The following BMS1 variants were observed in gnomAD, a reference collection of about 807,000 sequenced individuals.
The protein encoded by BMS1 is ribosome biogenesis protein BMS1 homolog.
In BMS1, 53 loss-of-function variants were observed where a neutral mutation model predicts 138.7. The observed-to-expected ratio is 0.38, with a 90% CI of 0.31 to 0.48. The LOEUF is 0.48. Ranked by LOEUF, BMS1 falls within the 20% of genes least tolerant of loss-of-function variation. BMS1 has a pLI of 0.97. For synonymous variants in BMS1, 504 were observed against 539.9 expected (o/e 0.93, Z 0.92); for missense variants, 1,360 against 1,565.5 (o/e 0.87, Z 2.22).
intron 12 of BMS1, 137 bp downstream of exon 12, chr10:42,798,762 T>C: frequency 8.2e-7 from 1 of 1,219,716 alleles, no homozygotes; most frequent in Non-Finnish European, 1.1e-6. Context: ...CCAGATATTG[T>C]AGTGGGCGCT....
rs1044446 is a variant in BMS1, at chr10:42,820,672, C to T, written c.2934C>T (p.Cys978=). Residue 978 remains cysteine (C), a synonymous_variant, in exon 17 of 23, where the codon TGC becomes TGT. Coordinates refer to ENST00000374518, the MANE Select transcript of BMS1 (RefSeq NM_014753.4). The part of the protein sequence containing the change: ...LLKYTPQHMH[C]GAAFWGPITP... ...AGTATACCCCACAGCACATGCATTG[C>T]GGAGCAGCCTTTTGGGGTAAAATAT... 14 of 1,611,724 alleles carry T rather than the reference C, an allele frequency of 8.7e-6. No individual in the cohort carries two copies. The highest frequency in any genetic ancestry group is 1.7e-5 in the Admixed American group (1 of 59,986).
chr10:42,792,431 A>G (rs1841533025), intron 6 of BMS1, 62 bp from the exon 7 acceptor site: 3 of 1,587,052 alleles, frequency 1.9e-6, no homozygotes, highest in Admixed American at 1.8e-5. Flanking sequence ...TCATTGACAC[A>G]TGAAAGGAGG....
intron 21 of BMS1, among the ~76,000 whole-genome samples, chr10:42,825,914 G>A (rs898308887): frequency 3.3e-4 from 50 of 152,244 alleles, no homozygotes; most frequent in African/African-American, 1.2e-3. Flanking sequence ...TTTCATAAAT[G>A]GGCTTTATTA....
In BMS1 at chr10:42,793,013, C is replaced by A. The variant is rs1377513103; in HGVS notation, c.958C>A (p.Pro320Thr). 1 of 1,613,932 alleles carries A rather than the reference C, an allele frequency of 6.2e-7. No individual in the cohort carries two copies. Among genetic ancestry groups the A allele is most frequent in the African/African-American group, 1.3e-5 (1 of 74,896 alleles). ...TTTCCTCCCAGACCCTTGCGCTCTT[C>A]CTGAACAACAAAAGAAGCGCTGTTT... is the stretch of plus-strand genomic sequence containing the variant. ...ISFLPDPCAL[P>T]EQQKKRCLNE... The change falls in exon 8 of 23, where the codon CCT becomes ACT. Residue 320 changes from proline (P) to threonine (T), a missense_variant. Around this residue, in one of 3 missense-constraint regions of BMS1, gnomAD observed 697 missense variants for 686.2 expected, o/e 1.02. Transcript: ENST00000374518.
At chr10:42,792,825 T>A in intron 7 of BMS1, 132 bp from the exon 8 acceptor site, 14 of 1,285,516 alleles carry the variant, frequency 1.1e-5, no homozygotes, top group Non-Finnish European at 1.4e-5. Flanking sequence ...ACTGTTCCAG[T>A]GTGGCACAAT....
chr10:42,792,901 G>T, intron 7 of BMS1, 56 bp from the exon 8 acceptor site: 1 of 1,554,352 alleles, frequency 6.4e-7, no homozygotes. Context: ...CTAGTCAATG[G>T]TAGATGCTTC....
intron 4 of BMS1, among the ~76,000 whole-genome samples, chr10:42,787,483 C>T (rs1357919474): frequency 6.6e-6 from 1 of 152,142 alleles, no homozygotes; most frequent in Non-Finnish European, 1.5e-5. Flanking sequence ...AAGCAAATCA[C>T]AGGATGGAGA....
At chr10:42,825,964 G>A (rs773478529) in intron 21 of BMS1, among the ~76,000 whole-genome samples, 3 of 152,180 alleles carry the variant, frequency 2.0e-5, no homozygotes, top group Non-Finnish European at 2.9e-5. Flanking sequence ...CTGTTAAGAG[G>A]TTTTATCAAG....
In BMS1 at chr10:42,802,041, ATAT is replaced by A. The variant is rs1333286192; in HGVS notation, c.2248-94_2248-92del. 2.2e-5 allele frequency: 19 copies of A among 875,702 alleles called. No individual in the cohort carries two copies. In the East Asian group the frequency reaches 4.9e-4, roughly 22 times the overall value. The allele number at this position is 875,702 out of a possible 1,614,324, so 54.2% of individuals were successfully genotyped here. The stretch of plus-strand genomic sequence containing the variant: ...ATGAGAATATCCATGAAAGTGGGAA[ATAT>A]TTAAAGGCAAGTTGTCACCTACTGC... On this transcript the variant is annotated intron_variant, in intron 12 of 22. Transcript: ENST00000374518.
chr10:42,815,986 T>C (rs897466927), intron 13 of BMS1, among the ~76,000 whole-genome samples: 3 of 152,198 alleles, frequency 2.0e-5, no homozygotes, highest in African/African-American at 7.2e-5. Context: ...GGGACACACA[T>C]AGACCTCTGT....
rs113496350 is a variant in BMS1 at position 42,813,768 on chromosome 10, C to T, written c.2330-2831C>T. The stretch of plus-strand genomic sequence containing the variant: ...TTTTTGTATTGTGGAAATGACAGAA[C>T]ATATTTCTGTAGCCACTTTTTAGCA... On this transcript the variant is annotated intron_variant, in intron 13 of 22. Coordinates refer to ENST00000374518, the MANE Select transcript of BMS1 (RefSeq NM_014753.4). Among the ~76,000 whole-genome samples the T allele has an allele frequency of 5.8e-3, 882 of 152,194 alleles. 12 individuals are homozygous for T. The highest frequency in any genetic ancestry group is 0.02 in the African/African-American group (813 of 41,530).
At chr10:42,821,996 A>T (rs1842516078) in intron 18 of BMS1, 66 bp from the exon 19 acceptor site, 7 of 1,445,200 alleles carry the variant, frequency 4.8e-6, no homozygotes, top group Admixed American at 1.7e-5. Context: ...TTATTGTGTC[A>T]CATAGAATTG....
chr10:42,797,420 A>G lies in BMS1; in HGVS notation c.1988-2A>G. Reference sequence around the variant, plus strand: ...ACTGGAGGTTGGCATTGGTCGTTTCAGGTGCCCTCAAGTGGAAGGAAGACC... The same window carrying G: ...ACTGGAGGTTGGCATTGGTCGTTTCGGGTGCCCTCAAGTGGAAGGAAGACC... On this transcript the variant is annotated splice_acceptor_variant, in intron 10 of 22. Coordinates refer to ENST00000374518, the MANE Select transcript of BMS1 (RefSeq NM_014753.4). LOFTEE classifies it high-confidence loss of function. The G allele has an allele frequency of 6.2e-7, 1 of 1,614,184 alleles. No homozygotes were observed. Among genetic ancestry groups the G allele is most frequent in the Non-Finnish European group, 8.5e-7 (1 of 1,179,998 alleles).
chr10:42,793,229 G>A, intron 8 of BMS1, 85 bp downstream of exon 8: 2 of 1,367,692 alleles, frequency 1.5e-6, no homozygotes, highest in Non-Finnish European at 1.9e-6. Context: ...AATGTACTCA[G>A]CTTTTATTTA....
rs769231961 is a variant in BMS1 at position 42,823,333 on chromosome 10, G to A, written c.3280+68G>A. On this transcript the variant is annotated intron_variant, in intron 20 of 22. Coordinates refer to ENST00000374518, the MANE Select transcript of BMS1 (RefSeq NM_014753.4). The stretch of plus-strand genomic sequence containing the variant: ...ATGCTTGACTTCTAGCCAGTGTGAC[G>A]AGAGGCTGGAGTCAGGTCTCTAGAG... The A allele has an allele frequency of 5.4e-5, 80 of 1,482,818 alleles. No individual in the cohort carries two copies. The Middle Eastern group carries it at 2.0e-3, about 38-fold the overall frequency. 91.9% of individuals were successfully genotyped at this position (1,482,818 alleles called of 1,614,324 possible).
chr10:42,831,271 T>C lies in BMS1; in HGVS notation c.*175T>C. On this transcript the variant is annotated 3_prime_UTR_variant, in exon 23 of 23. Coordinates refer to ENST00000374518, the MANE Select transcript of BMS1 (RefSeq NM_014753.4). ...GCCTGGGCTGCTGGGACTGGGTTCATTCTCATGACTTGGGGCTGTCGAGAT... is the reference window on the plus strand; with the variant it reads ...GCCTGGGCTGCTGGGACTGGGTTCACTCTCATGACTTGGGGCTGTCGAGAT... 3.0e-6 allele frequency: 2 copies of C among 660,948 alleles called. No individual in the cohort carries two copies. Among genetic ancestry groups the C allele is most frequent in the Non-Finnish European group, 5.1e-6 (2 of 388,856 alleles). 40.9% of individuals were successfully genotyped at this position (660,948 alleles called of 1,614,324 possible). A position where few individuals can be genotyped will look rare whatever the true frequency, so the allele number is the denominator to read the frequency against.
In BMS1 at chr10:42,784,873, C is replaced by T. The variant is rs140232209; in HGVS notation, c.176+303C>T. Among the ~76,000 whole-genome samples the T allele has an allele frequency of 1.1e-4, 16 of 152,284 alleles. 1 individual carries two copies. In the East Asian group the frequency reaches 2.1e-3, roughly 20 times the overall value. On this transcript the variant is annotated intron_variant, in intron 2 of 22. Coordinates refer to ENST00000374518, the MANE Select transcript of BMS1 (RefSeq NM_014753.4). ...GCTTTTTCCCCCCAGGTATGTTTTA[C>T]ATAGTTGTAATATAAAATACAAAAA...
Position 42,785,620 on chromosome 10 carries a change from C to T in BMS1, c.315C>T (p.Asn105=), listed in dbSNP as rs762534754. ...KSTLIQCLIR[N]FTRQKLTEIR... is the part of the protein sequence containing the mutation. Reference sequence around the variant, plus strand: ...CTTTGATACAATGCCTCATTCGGAACTTTACCCGGCAGAAGTTGACTGAGA... The same window carrying T: ...CTTTGATACAATGCCTCATTCGGAATTTTACCCGGCAGAAGTTGACTGAGA... The change falls in exon 3 of 23, where the codon AAC becomes AAT. Residue 105 remains asparagine, a synonymous_variant. Coordinates refer to ENST00000374518, the MANE Select transcript of BMS1 (RefSeq NM_014753.4). 1.9e-6 allele frequency: 3 copies of T among 1,613,810 alleles called. No homozygotes were observed. Among genetic ancestry groups the T allele is most frequent in the Non-Finnish European group, 2.5e-6 (3 of 1,179,864 alleles).
chr10:42,791,874 G>A lies in BMS1; in HGVS notation c.779+105G>A, dbSNP rs544128342. ...ATTTATTTTGTGCCGATTTGAATAG[G>A]GGGGATAGAAGTGTAGTTGATGGAA... is the stretch of plus-strand genomic sequence containing the variant. On this transcript the variant is annotated intron_variant, in intron 6 of 22. Transcript: ENST00000374518. 7.6e-4 allele frequency: 1,048 copies of A among 1,382,738 alleles called. 15 individuals carry two copies. In the South Asian group the frequency reaches 0.014, roughly 19 times the overall value. The allele number at this position is 1,382,738 out of a possible 1,614,324, so 85.7% of individuals were successfully genotyped here.
Sources: gnomAD v4.1 joint callset for allele counts (sites outside exome capture counted in the v4.1 genomes callset) on GRCh38, gnomAD v4.1.1 for gene constraint, gnomAD v4.1.1 regional missense constraint, MANE v1.5 for transcripts, NCBI Gene and HGNC (gene_info 2026-07-23, HGNC 2026-07-21) for gene names.